SPIN1: variants seen among roughly 807,000 people sequenced by gnomAD.
SPIN1 encodes the protein spindlin-1.
SPIN1 carries 3 observed loss-of-function variants against 26.0 expected under a neutral mutation model. The ratio of observed to expected loss-of-function variants is 0.12; its 90% CI spans 0.05 to 0.30. SPIN1 has a LOEUF of 0.30. Ranked by LOEUF, SPIN1 falls within the 10% of genes least tolerant of loss-of-function variation. The pLI is 1.00. For missense variants in SPIN1, 126 were observed against 333.4 expected (o/e 0.38, Z 4.84); for synonymous variants, 101 against 116.5 (o/e 0.87, Z 0.86).
intron 1 of SPIN1, among the ~76,000 whole-genome samples, chr9:88,404,942 A>C (rs944823519): frequency 5.9e-5 from 9 of 151,534 alleles, no homozygotes; most frequent in South Asian, 2.1e-4. Context: ...AAAAAAAAAA[A>C]ACTAAGATAC....
intron 1 of SPIN1, among the ~76,000 whole-genome samples, chr9:88,389,184 C>T (rs1347472109): frequency 2.6e-5 from 4 of 152,196 alleles, no homozygotes; most frequent in African/African-American, 4.8e-5. Context: ...CGCGCAGCCC[C>T]TTTCCTGATG....
intron 1 of SPIN1, among the ~76,000 whole-genome samples, chr9:88,395,233 C>G (rs1173668257): frequency 2.6e-5 from 4 of 152,106 alleles, no homozygotes; most frequent in African/African-American, 4.8e-5. Context: ...GAATTTCTCT[C>G]TTGCCCCAGT....
At chr9:88,411,520 G>T in intron 1 of SPIN1, 1 of 714,254 alleles carries the variant, frequency 1.4e-6, no homozygotes, top group East Asian at 2.6e-5. Flanking sequence ...TGGGCAGAAA[G>T]CTTTTTTTTT....
At position 88,476,888 on chromosome 9, in the gene SPIN1, C is replaced by T. The variant is rs1028185588; in HGVS notation, c.*1611C>T. 1 of 152,216 alleles carries T rather than the reference C, an allele frequency of 6.6e-6. No homozygotes were observed. Among genetic ancestry groups the T allele is most frequent in the Non-Finnish European group, 1.5e-5 (1 of 68,064 alleles). The allele number at this position is 152,216 out of a possible 1,614,324, so 9.4% of individuals were successfully genotyped here. Reference sequence around the variant, plus strand: ...AACACCAGAAGTTTGAATCAGAGGTCTGAGTGACCTCTTTTGTGGCTGTTC... The same window carrying T: ...AACACCAGAAGTTTGAATCAGAGGTTTGAGTGACCTCTTTTGTGGCTGTTC... On this transcript the variant is annotated 3_prime_UTR_variant, in exon 6 of 6. Coordinates refer to ENST00000375859, the MANE Select transcript of SPIN1 (RefSeq NM_006717.3).
chr9:88,435,286 G>A (rs1449316735), intron 2 of SPIN1, among the ~76,000 whole-genome samples: 1 of 151,644 alleles, frequency 6.6e-6, no homozygotes, highest in Non-Finnish European at 1.5e-5. Context: ...CACGATCATG[G>A]TTCACTGCAG....
chr9:88,390,285 A>C (rs1433561360), intron 1 of SPIN1, among the ~76,000 whole-genome samples: 1 of 152,114 alleles, frequency 6.6e-6, no homozygotes, highest in Admixed American at 6.5e-5. Flanking sequence ...ATCTCAGATA[A>C]TTGTGTGTCT....
chr9:88,433,327 C>G (rs1037157693), intron 2 of SPIN1, among the ~76,000 whole-genome samples: 12 of 152,202 alleles, frequency 7.9e-5, no homozygotes, highest in African/African-American at 2.2e-4. Context: ...AAGTGATCCA[C>G]TGGCCTTGGT....
intron 3 of SPIN1, among the ~76,000 whole-genome samples, chr9:88,459,143 T>G (rs1314814239): frequency 6.6e-6 from 1 of 152,212 alleles, no homozygotes; most frequent in Non-Finnish European, 1.5e-5. Context: ...TAGTGAGGTT[T>G]GGGAACTAAC....
intron 5 of SPIN1, among the ~76,000 whole-genome samples, chr9:88,470,755 T>TTCTA (rs1196997045): frequency 2.0e-5 from 3 of 152,072 alleles, no homozygotes; most frequent in African/African-American, 7.2e-5. Flanking sequence ...CCACCATGTC[T>TTCTA]TCTAATTTTT....
chr9:88,458,845 C>T (rs1301384071), intron 3 of SPIN1, among the ~76,000 whole-genome samples: 2 of 152,156 alleles, frequency 1.3e-5, no homozygotes, highest in Admixed American at 6.5e-5. Context: ...ATTCCTTCCT[C>T]CTCCGAGGAG....
intron 2 of SPIN1, among the ~76,000 whole-genome samples, chr9:88,445,574 G>A (rs1828235394): frequency 6.8e-6 from 1 of 146,042 alleles, no homozygotes; most frequent in East Asian, 2.0e-4. Context: ...TATTGAGATG[G>A]AGTCTTGCTC....
intron 4 of SPIN1, among the ~76,000 whole-genome samples, chr9:88,467,181 G>T (rs534128182): frequency 1.6e-4 from 24 of 152,240 alleles, no homozygotes; most frequent in African/African-American, 5.8e-4. Context: ...AAAGATGAAG[G>T]TGATAATTTT....
intron 1 of SPIN1, among the ~76,000 whole-genome samples, chr9:88,404,346 T>C (rs914883341): frequency 1.3e-5 from 2 of 152,186 alleles, no homozygotes; most frequent in Admixed American, 1.3e-4. Flanking sequence ...TAACCTTAGC[T>C]TACTCTCCCC....
At chr9:88,392,364 TTATAGTC>T (rs1334588462) in intron 1 of SPIN1, among the ~76,000 whole-genome samples, 5 of 152,148 alleles carry the variant, frequency 3.3e-5, no homozygotes, top group African/African-American at 1.2e-4. Context: ...CTTACAGACT[TTATAGTC>T]TGATAGAGGA....
At chr9:88,429,328 A>G (rs971000774) in intron 2 of SPIN1, among the ~76,000 whole-genome samples, 8 of 152,146 alleles carry the variant, frequency 5.3e-5, no homozygotes, top group Admixed American at 3.9e-4. Flanking sequence ...GACAGCATCA[A>G]ATCTCATAGG....
At chr9:88,395,922 C>A (rs1410042647) in intron 1 of SPIN1, among the ~76,000 whole-genome samples, 1 of 152,030 alleles carries the variant, frequency 6.6e-6, no homozygotes, top group East Asian at 1.9e-4. Flanking sequence ...TGGCGCGTGC[C>A]TGTAATCCCA....
chr9:88,407,574 G>A (rs1587777438), intron 1 of SPIN1, among the ~76,000 whole-genome samples: 1 of 151,910 alleles, frequency 6.6e-6, no homozygotes, highest in South Asian at 2.1e-4. Flanking sequence ...ACTTTGGGAG[G>A]CCAAGGCAAG....
intron 2 of SPIN1, among the ~76,000 whole-genome samples, chr9:88,429,761 G>A (rs1299347804): frequency 6.6e-6 from 1 of 152,106 alleles, no homozygotes; most frequent in Admixed American, 6.5e-5. Context: ...TCAACCTTCA[G>A]CCCCTGTCCC....
At chr9:88,441,425 GCGCCCA>G (rs1828125113) in intron 2 of SPIN1, among the ~76,000 whole-genome samples, 2 of 149,032 alleles carry the variant, frequency 1.3e-5, no homozygotes, top group Admixed American at 6.6e-5. Flanking sequence ...GCGCGCGCGC[GCGCCCA>G]TGTGTGTGTA....
Sources: allele counts gnomAD v4.1 joint callset (sites outside exome capture counted in the v4.1 genomes callset), GRCh38; gene constraint gnomAD v4.1.1; transcripts MANE v1.5; gene names NCBI Gene and HGNC (gene_info 2026-07-23, HGNC 2026-07-21).